Variants in LYST observed in about 807,000 individuals in gnomAD.
LYST encodes the protein lysosomal-trafficking regulator.
In LYST, 192 loss-of-function variants were observed where a neutral mutation model predicts 413.6. The ratio of observed to expected loss-of-function variants is 0.46; its 90% CI spans 0.41 to 0.52. The LOEUF (loss-of-function observed/expected upper bound fraction) is 0.52. LYST is among the 20% of genes least tolerant of loss of function. LYST has a pLI of 0.00. For missense variants in LYST, 3,815 were observed against 4,499.9 expected (o/e 0.85, Z 4.35); for synonymous variants, 1,525 against 1,567.3 (o/e 0.97, Z 0.64).
chr1:235,865,820 G>A (rs975122079), intron 1 of LYST, among the ~76,000 whole-genome samples: 1 of 152,208 alleles, frequency 6.6e-6, no homozygotes, highest in Non-Finnish European at 1.5e-5. Flanking sequence ...GTCTAATTCA[G>A]TTTGTCCTAT....
chr1:235,705,204 T>C (rs1363254918), intron 44 of LYST, among the ~76,000 whole-genome samples: 3 of 152,186 alleles, frequency 2.0e-5, no homozygotes. Flanking sequence ...ACTCAATCCT[T>C]AATTCAGAGT....
At chr1:235,828,646 TAG>T (rs776412090) in intron 3 of LYST, 5 of 412,096 alleles carry the variant, frequency 1.2e-5, no homozygotes, top group Non-Finnish European at 9.8e-6. Context: ...CATATTTTAT[TAG>T]AGTCATTCCT....
chr1:235,775,529 A>C (rs1669146582), intron 17 of LYST, among the ~76,000 whole-genome samples: 1 of 152,246 alleles, frequency 6.6e-6, no homozygotes, highest in Admixed American at 6.5e-5. Flanking sequence ...AATTTACTTC[A>C]ACCAACACTT....
At chr1:235,680,650 G>C (rs888676024) in intron 48 of LYST, among the ~76,000 whole-genome samples, 1 of 151,610 alleles carries the variant, frequency 6.6e-6, no homozygotes, top group African/African-American at 2.4e-5. Flanking sequence ...CCAGGCTGGA[G>C]TGCAATGGCG....
intron 8 of LYST, among the ~76,000 whole-genome samples, chr1:235,801,590 C>T (rs1296873800): frequency 2.0e-5 from 3 of 152,080 alleles, no homozygotes; most frequent in Non-Finnish European, 4.4e-5. Context: ...CTTATATGAT[C>T]TTTTAAGACT....
At chr1:235,815,859 G>A (rs1028559580) in intron 3 of LYST, among the ~76,000 whole-genome samples, 3 of 152,054 alleles carry the variant, frequency 2.0e-5, no homozygotes, top group Admixed American at 6.5e-5. Flanking sequence ...GGGGCCGGGC[G>A]CGGTGGCTCA....
In LYST at chr1:235,718,363, CT is replaced by C. The variant is rs549670425; in HGVS notation, c.9561-1586del. Among the ~76,000 whole-genome samples, 1,023 of 145,348 alleles carry C rather than the reference CT, an allele frequency of 7.0e-3. 3 individuals carry two copies. Among genetic ancestry groups the C allele is most frequent in the East Asian group, 0.023 (117 of 5,056 alleles). ...GTATTTATCTGTGCAAGCATATTCA[CT>C]TTTTTTTTTTTTCAGACAGTTTCAC... is the stretch of plus-strand genomic sequence containing the variant. On this transcript the variant is annotated intron_variant, in intron 40 of 52. Transcript: ENST00000389793.
chr1:235,869,361 A>G (rs1263644909), upstream of LYST, among the ~76,000 whole-genome samples: 1 of 152,208 alleles, frequency 6.6e-6, no homozygotes, highest in Non-Finnish European at 1.5e-5. Context: ...AGTCTCAGCT[A>G]ATCGAGAGGC....
At chr1:235,752,246 G>T in intron 26 of LYST, 75 bp from the exon 27 acceptor site, 1 of 1,105,570 alleles carries the variant, frequency 9.0e-7, no homozygotes, top group Non-Finnish European at 1.4e-6. Context: ...ACAGCTAACT[G>T]ATTTAAATGG....
At chr1:235,761,589 A>G (rs1667586108) in intron 22 of LYST, among the ~76,000 whole-genome samples, 1 of 152,138 alleles carries the variant, frequency 6.6e-6, no homozygotes, top group African/African-American at 2.4e-5. Context: ...AACTTTCAGC[A>G]GTATGACAAT....
At chr1:235,748,328 A>G (rs896488252) in intron 28 of LYST, among the ~76,000 whole-genome samples, 2 of 152,188 alleles carry the variant, frequency 1.3e-5, no homozygotes, top group African/African-American at 4.8e-5. Context: ...TAAGCAGACA[A>G]GTAAAAAAAT....
chr1:235,827,868 G>A (rs749705699), intron 3 of LYST: 13 of 757,536 alleles, frequency 1.7e-5, no homozygotes, highest in South Asian at 6.0e-5. Context: ...AGAAAATACC[G>A]TATTTGGAAT....
chr1:235,687,088 G>T (rs745961642), intron 47 of LYST, 41 bp from the exon 48 acceptor site: 3 of 1,288,932 alleles, frequency 2.3e-6, no homozygotes, highest in Non-Finnish European at 3.4e-6. Flanking sequence ...TGTTTTAAAA[G>T]AATGAAACTT....
At chr1:235,812,250 T>TCCCA (rs757827141) in intron 4 of LYST, among the ~76,000 whole-genome samples, 7 of 152,108 alleles carry the variant, frequency 4.6e-5, no homozygotes, top group Non-Finnish European at 1.0e-4. Flanking sequence ...ATGCCTGTAA[T>TCCCA]CCCAGCACTT....
In LYST at chr1:235,787,292, G is replaced by T. The variant is rs1270281555; in HGVS notation, c.4770C>A (p.Ser1590Arg). The T allele has an allele frequency of 3.1e-6, 5 of 1,613,342 alleles. No individual in the cohort carries two copies. The highest frequency in any genetic ancestry group is 4.2e-6 in the Non-Finnish European group (5 of 1,179,564). ...AGGTGAGTACTAAATGTTGCCATTTGCTTGGGAGGAAAATATTCTCCTGTG... is the reference window on the plus strand; with the variant it reads ...AGGTGAGTACTAAATGTTGCCATTTTCTTGGGAGGAAAATATTCTCCTGTG... The part of the protein sequence containing the change: ...VESQENIFLP[S>R]KWQHLVLTYL... Residue 1590 changes from serine (S) to arginine (R), a missense_variant, in exon 14 of 53, where the codon AGC becomes AGA. Coordinates refer to ENST00000389793, the MANE Select transcript of LYST (RefSeq NM_000081.4).
chr1:235,756,302 A>G (rs953440982), intron 24 of LYST, among the ~76,000 whole-genome samples: 1 of 152,144 alleles, frequency 6.6e-6, no homozygotes, highest in South Asian at 2.1e-4. Context: ...ACAGCATAAC[A>G]CAAAATATAC....
intron 29 of LYST, among the ~76,000 whole-genome samples, 198 bp downstream of exon 29, chr1:235,746,138 T>G (rs928968491): frequency 1.3e-5 from 2 of 152,198 alleles, no homozygotes; most frequent in South Asian, 2.1e-4. Flanking sequence ...CTGGTCAGTC[T>G]GGGCTAGCAT....
chr1:235,728,830 A>G (rs1359994392), intron 37 of LYST, among the ~76,000 whole-genome samples: 5 of 152,184 alleles, frequency 3.3e-5, no homozygotes, highest in Admixed American at 2.6e-4. Flanking sequence ...TTGAAGCTCC[A>G]TATCTTGGAC....
intron 8 of LYST, among the ~76,000 whole-genome samples, chr1:235,801,823 A>G (rs1672261867): frequency 6.6e-6 from 1 of 152,166 alleles, no homozygotes; most frequent in African/African-American, 2.4e-5. Flanking sequence ...TTTAAGTAAG[A>G]TATCAGTGAT....
Sources: gnomAD v4.1 joint callset for allele counts (sites outside exome capture counted in the v4.1 genomes callset) on GRCh38, gnomAD v4.1.1 for gene constraint, MANE v1.5 for transcripts, NCBI Gene and HGNC (gene_info 2026-07-23, HGNC 2026-07-21) for gene names.